PRKAG2: variants seen among roughly 807,000 people sequenced by gnomAD.
PRKAG2 encodes protein kinase AMP-activated non-catalytic subunit gamma 2.
Under a neutral mutation model 69.6 loss-of-function variants are expected in PRKAG2, and 26 were observed. That is an observed-to-expected ratio of 0.37 (90% CI 0.27 to 0.52). PRKAG2 has a LOEUF of 0.52. Among genes scored for constraint, PRKAG2 ranks in the 20% least tolerant of loss-of-function variants. PRKAG2 has a pLI of 0.90. For synonymous variants in PRKAG2, 293 were observed against 285.0 expected (o/e 1.03, Z -0.28); for missense variants, 557 against 740.0 (o/e 0.75, Z 2.87).
chr7:151,857,496 C>T (rs1209458761), intron 1 of PRKAG2, among the ~76,000 whole-genome samples: 4 of 152,132 alleles, frequency 2.6e-5, no homozygotes, highest in African/African-American at 9.7e-5. Flanking sequence ...CGCATTTTCT[C>T]GGGTTGCATG....
intron 12 of PRKAG2, 108 bp downstream of exon 12, chr7:151,565,612 T>C: frequency 6.9e-7 from 1 of 1,457,676 alleles, no homozygotes; most frequent in Middle Eastern, 2.2e-4. Context: ...TTATTCACCA[T>C]ACCCAAGTTT....
In PRKAG2 at chr7:151,752,420, G is replaced by A. The variant is rs115110952; in HGVS notation, c.466+28732C>T. Among the ~76,000 whole-genome samples, 435 of 152,246 alleles carry A rather than the reference G, an allele frequency of 2.9e-3. 1 individual carries two copies. The highest frequency in any genetic ancestry group is 0.01 in the Middle Eastern group (3 of 294). ...CTACTTAAGAGGCAGAGGGTGGGAG[G>A]AGGGAGAGGAACGGAAAAGATAACT... On this transcript the variant is annotated intron_variant, in intron 3 of 15. Transcript: ENST00000287878.
intron 1 of PRKAG2, among the ~76,000 whole-genome samples, chr7:151,797,622 C>T (rs1308859282): frequency 6.6e-6 from 1 of 152,222 alleles, no homozygotes; most frequent in African/African-American, 2.4e-5. Flanking sequence ...TACGGGTACC[C>T]AAGGACTCCT....
At chr7:151,623,513 C>A (rs1361587719) in intron 5 of PRKAG2, among the ~76,000 whole-genome samples, 1 of 151,960 alleles carries the variant, frequency 6.6e-6, no homozygotes, top group East Asian at 1.9e-4. Flanking sequence ...AGGTAATGCT[C>A]GCTCGCCTGC....
intron 4 of PRKAG2, among the ~76,000 whole-genome samples, chr7:151,634,032 C>A (rs1825317515): frequency 6.6e-6 from 1 of 152,170 alleles, no homozygotes; most frequent in Non-Finnish European, 1.5e-5. Context: ...TGGGTTCACG[C>A]CATTCTCCTG....
In PRKAG2 at chr7:151,850,134, T is replaced by A. The variant is rs1586718844; in HGVS notation, c.114+26373A>T. Among the ~76,000 whole-genome samples, 1 of 152,092 alleles carries A rather than the reference T, an allele frequency of 6.6e-6. No individual in the cohort carries two copies. Among genetic ancestry groups the A allele is most frequent in the Non-Finnish European group, 1.5e-5 (1 of 68,008 alleles). On this transcript the variant is annotated intron_variant, in intron 1 of 15. Transcript: ENST00000287878. The surrounding 1 kb of genome is among the most constrained non-coding windows in gnomAD (Gnocchi z 4.1). ...GGCCGTGCACACAGGTGGCTCAGTG[T>A]CTGCAGAAAGAAGCGGGAGGGGGGT...
chr7:151,580,896 C>A (rs2151066592), intron 6 of PRKAG2, among the ~76,000 whole-genome samples: 1 of 152,236 alleles, frequency 6.6e-6, no homozygotes, highest in East Asian at 1.9e-4. Context: ...GATGGCACAG[C>A]AGGGTGACTA....
intron 1 of PRKAG2, among the ~76,000 whole-genome samples, chr7:151,853,628 C>T (rs941182935): frequency 6.6e-6 from 1 of 151,788 alleles, no homozygotes; most frequent in Admixed American, 6.6e-5. Flanking sequence ...GGCGTGGTGG[C>T]GGGTGCCTGT....
intron 1 of PRKAG2, among the ~76,000 whole-genome samples, chr7:151,812,913 C>G (rs2078493596): frequency 1.4e-5 from 2 of 143,996 alleles, no homozygotes; most frequent in African/African-American, 5.2e-5. Flanking sequence ...GTGTGTCTCT[C>G]AAGGCCTACT....
At chr7:151,818,300 C>T (rs1234354432) in intron 1 of PRKAG2, among the ~76,000 whole-genome samples, 1 of 151,520 alleles carries the variant, frequency 6.6e-6, no homozygotes, top group Non-Finnish European at 1.5e-5. Flanking sequence ...GTGTCTCCAG[C>T]CCCCACCCCC....
intron 1 of PRKAG2, chr7:151,810,736 T>C (rs2078376385): frequency 6.5e-6 from 1 of 153,784 alleles, no homozygotes; most frequent in South Asian, 2.1e-4. Context: ...ACCAGGCAGA[T>C]GGCAGACTCC....
rs2080406858 is a variant in PRKAG2 at position 151,876,424 on chromosome 7, G to A, written c.114+83C>T. 4.4e-6 allele frequency: 6 copies of A among 1,348,944 alleles called. No individual in the cohort carries two copies. In the South Asian group the frequency reaches 7.0e-5, roughly 16 times the overall value. 83.6% of individuals were successfully genotyped at this position (1,348,944 alleles called of 1,614,324 possible). A position where few individuals can be genotyped will look rare whatever the true frequency, so the allele number is the denominator to read the frequency against. On this transcript the variant is annotated intron_variant, in intron 1 of 15. Transcript: ENST00000287878. ...GGAGGGGCACGCACGGCGCGCGCGG[G>A]GCGTCCAGCGTTAACCGCTTCGGCG...
At chr7:151,575,896 C>CAAAAAAAA (rs397769419) in intron 7 of PRKAG2, among the ~76,000 whole-genome samples, 4 of 63,504 alleles carry the variant, frequency 6.3e-5, no homozygotes, top group Admixed American at 1.7e-4. Flanking sequence ...AATGAGGCGG[C>CAAAAAAAA]AAAAAAAAAA....
chr7:151,709,635 TGTCA>T (rs1362725763), intron 3 of PRKAG2, among the ~76,000 whole-genome samples: 1 of 152,186 alleles, frequency 6.6e-6, no homozygotes, highest in African/African-American at 2.4e-5. Context: ...CACATGTGAC[TGTCA>T]GTGACATGAT....
intron 3 of PRKAG2, among the ~76,000 whole-genome samples, chr7:151,745,637 G>A (rs1268927175): frequency 3.3e-5 from 5 of 152,172 alleles, no homozygotes; most frequent in Admixed American, 6.5e-5. Context: ...TCACACCAGC[G>A]ATATCTAAGG....
chr7:151,696,426 G>A (rs1836680020), intron 3 of PRKAG2, among the ~76,000 whole-genome samples: 3 of 152,200 alleles, frequency 2.0e-5, no homozygotes, highest in Admixed American at 2.0e-4. Flanking sequence ...ATCTGCTCTG[G>A]TGGCCTGGGG....
chr7:151,601,822 A>G (rs113929628), intron 5 of PRKAG2, among the ~76,000 whole-genome samples: 2,363 of 152,184 alleles, frequency 0.016, 54 homozygotes, highest in African/African-American at 0.054. Context: ...AACAAACACA[A>G]CCCTTGTCCT....
At chr7:151,737,434 A>C (rs374223776) in intron 3 of PRKAG2, among the ~76,000 whole-genome samples, 9 of 152,156 alleles carry the variant, frequency 5.9e-5, no homozygotes, top group African/African-American at 2.2e-4. Flanking sequence ...GCACATGAGG[A>C]GGAGACTATG....
chr7:151,739,078 C>T (rs193033120), intron 3 of PRKAG2, among the ~76,000 whole-genome samples: 43 of 152,346 alleles, frequency 2.8e-4, no homozygotes, highest in African/African-American at 8.9e-4. Flanking sequence ...GAGCTGGTCT[C>T]GGTAGCCTCC....
Sources: gnomAD v4.1 joint callset for allele counts (sites outside exome capture counted in the v4.1 genomes callset) on GRCh38, gnomAD v4.1.1 for gene constraint, Gnocchi (gnomAD v3.1) non-coding constraint, MANE v1.5 for transcripts, NCBI Gene and HGNC (gene_info 2026-07-23, HGNC 2026-07-21) for gene names.